Variants in EPHB1 observed in about 807,000 individuals in gnomAD.
The protein encoded by EPHB1 is EPH receptor B1.
A neutral mutation model predicts 94.4 loss-of-function variants in EPHB1; 30 were observed. That is an observed-to-expected ratio of 0.32 (90% CI 0.24 to 0.43). EPHB1 has a LOEUF of 0.43. Among genes scored for constraint, EPHB1 ranks in the 20% least tolerant of loss-of-function variants. The probability of loss-of-function intolerance (pLI) is 1.00; values close to 1 mark genes in which losing one functional copy is unlikely to be tolerated. For synonymous variants in EPHB1, 522 were observed against 489.1 expected, an observed-to-expected ratio of 1.07 and a Z score of -0.89; for missense variants, 1,055 against 1,308.3, an observed-to-expected ratio of 0.81 and a Z score of 2.99.
chr3:135,211,721 T>TCGTATA (rs2107716424), intron 12 of EPHB1, among the ~76,000 whole-genome samples: 2 of 152,338 alleles, frequency 1.3e-5, no homozygotes, highest in Admixed American at 6.5e-5. Flanking sequence ...ATATTCATAT[T>TCGTATA]CGTATACGCA....
At chr3:134,858,443 C>T (rs1373533538) in intron 1 of EPHB1, among the ~76,000 whole-genome samples, 1 of 152,084 alleles carries the variant, frequency 6.6e-6, no homozygotes, top group Non-Finnish European at 1.5e-5. Context: ...TGCCGAACAT[C>T]TGTTAAATAT....
chr3:135,114,678 G>A (rs544418307), intron 4 of EPHB1, among the ~76,000 whole-genome samples: 21 of 150,508 alleles, frequency 1.4e-4, no homozygotes, highest in Admixed American at 7.3e-4. Context: ...AGCCAAGATC[G>A]TGTCACTGCA....
intron 3 of EPHB1, among the ~76,000 whole-genome samples, chr3:135,066,357 A>C (rs1285463980): frequency 6.6e-6 from 1 of 152,228 alleles, no homozygotes; most frequent in Non-Finnish European, 1.5e-5. Flanking sequence ...TTTGTTGTTT[A>C]ACAAAATCCC....
At chr3:135,217,589 A>G (rs934947416) in intron 12 of EPHB1, among the ~76,000 whole-genome samples, 5 of 152,126 alleles carry the variant, frequency 3.3e-5, no homozygotes, top group Non-Finnish European at 7.4e-5. Flanking sequence ...ACTATACGCA[A>G]TCACCCAGGG....
chr3:134,822,764 A>C (rs1260231995), intron 1 of EPHB1, among the ~76,000 whole-genome samples: 2 of 152,124 alleles, frequency 1.3e-5, no homozygotes, highest in Admixed American at 6.5e-5. Flanking sequence ...GTTAAATTTA[A>C]ATTTTTTTCT....
At chr3:134,964,390 C>A (rs551005593) in intron 3 of EPHB1, among the ~76,000 whole-genome samples, 1 of 152,250 alleles carries the variant, frequency 6.6e-6, no homozygotes, top group East Asian at 1.9e-4. Flanking sequence ...CAAGCCCATA[C>A]GTTATGAAAC....
At chr3:134,916,756 G>T (rs1267779187) in intron 1 of EPHB1, among the ~76,000 whole-genome samples, 2 of 126,024 alleles carry the variant, frequency 1.6e-5, no homozygotes, top group African/African-American at 7.0e-5. Flanking sequence ...CACACCTCCC[G>T]GCAAGCCAAG....
intron 5 of EPHB1, among the ~76,000 whole-genome samples, chr3:135,144,800 G>A (rs1014531507): frequency 6.6e-6 from 1 of 152,110 alleles, no homozygotes; most frequent in Admixed American, 6.5e-5. Flanking sequence ...CTAAAATTCA[G>A]CCAGGATTCT....
intron 1 of EPHB1, among the ~76,000 whole-genome samples, chr3:134,809,351 C>G (rs927834800): frequency 2.1e-5 from 3 of 142,014 alleles, no homozygotes; most frequent in African/African-American, 7.9e-5. Flanking sequence ...CTATTCCCAG[C>G]TAAGCAGAAA....
At chr3:134,909,750 C>T (rs898728233) in intron 1 of EPHB1, among the ~76,000 whole-genome samples, 2 of 152,190 alleles carry the variant, frequency 1.3e-5, no homozygotes, top group African/African-American at 4.8e-5. Context: ...TCAAGAAAAC[C>T]TTCACCCCTA....
intron 1 of EPHB1, among the ~76,000 whole-genome samples, chr3:134,872,297 G>A (rs757598704): frequency 2.1e-4 from 32 of 152,170 alleles, no homozygotes; most frequent in Non-Finnish European, 3.4e-4. Flanking sequence ...TGGTTAACCC[G>A]GACTCTTGTA....
intron 4 of EPHB1, among the ~76,000 whole-genome samples, chr3:135,131,377 TG>T (rs1940409584): frequency 6.6e-6 from 1 of 152,200 alleles, no homozygotes; most frequent in African/African-American, 2.4e-5. Context: ...CCTCATTTTT[TG>T]TGTTGGCATT....
At chr3:135,045,473 GC>G (rs1233044101) in intron 3 of EPHB1, among the ~76,000 whole-genome samples, 1 of 152,184 alleles carries the variant, frequency 6.6e-6, no homozygotes, top group African/African-American at 2.4e-5. Flanking sequence ...TGATTGAGTT[GC>G]AAGCTGAACT....
chr3:134,876,699 G>C (rs1026654495), intron 1 of EPHB1, among the ~76,000 whole-genome samples: 7 of 152,190 alleles, frequency 4.6e-5, no homozygotes, highest in Non-Finnish European at 1.0e-4. Context: ...TGATAGGTGA[G>C]GATGGCGCCA....
chr3:135,253,524 G>A (rs1230529653), intron 15 of EPHB1, among the ~76,000 whole-genome samples: 1 of 151,800 alleles, frequency 6.6e-6, no homozygotes, highest in African/African-American at 2.4e-5. Context: ...GATAGTCGTA[G>A]ATATGCGGCA....
At chr3:134,938,223 A>G (rs1186086049) in intron 2 of EPHB1, among the ~76,000 whole-genome samples, 1 of 151,952 alleles carries the variant, frequency 6.6e-6, no homozygotes, top group Admixed American at 6.6e-5. Context: ...ATGGCTGAGG[A>G]CCCCACTCCA....
chr3:135,096,827 A>G (rs538455441), intron 3 of EPHB1, among the ~76,000 whole-genome samples: 46 of 152,312 alleles, frequency 3.0e-4, no homozygotes, highest in Admixed American at 1.7e-3. Context: ...GCCAGGCACA[A>G]TGGCTCATGC....
chr3:134,943,312 C>A (rs1156677051), intron 2 of EPHB1, among the ~76,000 whole-genome samples: 14 of 152,226 alleles, frequency 9.2e-5, no homozygotes, highest in Admixed American at 9.2e-4. Context: ...CAGAAATGGG[C>A]ATGGGCTCTG....
chr3:134,853,283 C>T (rs2037031416), intron 1 of EPHB1, among the ~76,000 whole-genome samples: 1 of 152,218 alleles, frequency 6.6e-6, no homozygotes, highest in Non-Finnish European at 1.5e-5. Context: ...GCCTAGCCCT[C>T]CCTGGGTCAC....
Sources: gnomAD v4.1 joint callset for allele counts (sites outside exome capture counted in the v4.1 genomes callset) on GRCh38, gnomAD v4.1.1 for gene constraint, MANE v1.5 for transcripts, NCBI Gene and HGNC (gene_info 2026-07-23, HGNC 2026-07-21) for gene names.